Variants in CNOT4 observed in about 807,000 individuals in gnomAD.
The protein encoded by CNOT4 is CCR4-associated factor 4.
Under a neutral mutation model 73.8 loss-of-function variants are expected in CNOT4, and 8 were observed. The ratio of observed to expected loss-of-function variants is 0.11; its 90% confidence interval spans 0.06 to 0.20. The LOEUF (loss-of-function observed/expected upper bound fraction) is 0.20. CNOT4 is among the 10% of genes least tolerant of loss of function. The pLI, the probability that CNOT4 is intolerant of heterozygous loss-of-function variation, is 1.00. For missense variants in CNOT4, 564 were observed against 883.4 expected (o/e 0.64, Z 4.58); for synonymous variants, 293 against 321.1 (o/e 0.91, Z 0.94).
chr7:135,416,106 T>C (rs1000509943), intron 3 of CNOT4, among the ~76,000 whole-genome samples: 1 of 152,194 alleles, frequency 6.6e-6, no homozygotes, highest in Non-Finnish European at 1.5e-5. Context: ...TCCTAGAATG[T>C]ATCTTTAGAC....
intron 2 of CNOT4, among the ~76,000 whole-genome samples, chr7:135,432,305 A>G (rs1798897806): frequency 6.6e-6 from 1 of 152,180 alleles, no homozygotes; most frequent in African/African-American, 2.4e-5. Context: ...GGAAAAAAAA[A>G]TATATCATGA....
In CNOT4 at chr7:135,415,454, AT is replaced by A. The variant is rs1001732346; in HGVS notation, c.373-193del. Among the ~76,000 whole-genome samples, 8 of 151,960 alleles carry A rather than the reference AT, an allele frequency of 5.3e-5. No individual in the cohort carries two copies. In the East Asian group the frequency reaches 5.8e-4, roughly 11 times the overall value. On this transcript the variant is annotated intron_variant, in intron 3 of 11. Coordinates refer to ENST00000541284, the MANE Select transcript of CNOT4 (RefSeq NM_001190850.2). ...AGGAAATCAAAAGAGTTTAAAAGCT[AT>A]TTTTTTTCTTGACCCACTGAATAGA...
intron 1 of CNOT4, among the ~76,000 whole-genome samples, chr7:135,487,400 A>AT (rs896270524): frequency 2.0e-5 from 3 of 150,144 alleles, no homozygotes; most frequent in Non-Finnish European, 3.0e-5. Context: ...CACCCAGATA[A>AT]TTTTTTTTTG....
chr7:135,410,891 ATAAAT>A (rs1446195070), intron 6 of CNOT4, among the ~76,000 whole-genome samples: 9 of 151,876 alleles, frequency 5.9e-5, no homozygotes, highest in Non-Finnish European at 1.0e-4. Context: ...TATATATCTG[ATAAAT>A]TAAATTAAGG....
chr7:135,451,175 G>A (rs112847753), intron 1 of CNOT4, among the ~76,000 whole-genome samples: 3,046 of 152,228 alleles, frequency 0.02, 109 homozygotes, highest in African/African-American at 0.07. Context: ...AATAGGAAAG[G>A]CTAAGTTACT....
intron 10 of CNOT4, chr7:135,387,362 C>T: frequency 4.1e-6 from 4 of 984,902 alleles, no homozygotes; most frequent in Non-Finnish European, 4.8e-6. Flanking sequence ...GTTTACCTCA[C>T]TGTACCTTGG....
intron 1 of CNOT4, among the ~76,000 whole-genome samples, chr7:135,490,029 CT>C (rs1264369523): frequency 6.6e-6 from 1 of 152,190 alleles, no homozygotes; most frequent in Admixed American, 6.5e-5. Flanking sequence ...CTCCAAGGTT[CT>C]TTATATACAG....
chr7:135,401,328 T>C (rs897114310), intron 7 of CNOT4, among the ~76,000 whole-genome samples: 1 of 152,206 alleles, frequency 6.6e-6, no homozygotes, highest in African/African-American at 2.4e-5. Flanking sequence ...CTTTAATAAA[T>C]ACCAGATTTA....
Position 135,363,610 on chromosome 7 carries a change from C to T in CNOT4, c.1840+244G>A, listed in dbSNP as rs1049138976. On this transcript the variant is annotated intron_variant, in intron 11 of 11. Coordinates refer to ENST00000541284, the MANE Select transcript of CNOT4 (RefSeq NM_001190850.2). This position sits in a 1 kb window ranked among gnomAD's most constrained non-coding sequence, Gnocchi z 4.3. ...TGAGGCCTACAAAATACACATGTTGCCAGATGTTAACACCTACTTAAACCA... is the reference window on the plus strand; with the variant it reads ...TGAGGCCTACAAAATACACATGTTGTCAGATGTTAACACCTACTTAAACCA... Among the ~76,000 whole-genome samples the T allele has an allele frequency of 2.0e-4, 31 of 152,144 alleles. No homozygotes were observed. The highest frequency in any genetic ancestry group is 6.5e-5 in the Admixed American group (1 of 15,274).
rs762395826 is a variant in CNOT4, at chr7:135,414,422, G to C, written c.470C>G (p.Ala157Gly). 1 of 1,477,496 alleles carries C rather than the reference G, an allele frequency of 6.8e-7. No individual in the cohort carries two copies. Among genetic ancestry groups the C allele is most frequent in the South Asian group, 1.2e-5 (1 of 86,138 alleles). The allele number at this position is 1,477,496 out of a possible 1,614,324, so 91.5% of individuals were successfully genotyped here. ...CCGGATATAGGTTACATAAGCACTGGCACTTGGACCCTAAAGTGAAAACAT... is the reference window on the plus strand; with the variant it reads ...CCGGATATAGGTTACATAAGCACTGCCACTTGGACCCTAAAGTGAAAACAT... ...TSYAGSQGPS[A>G]SAYVTYIRSE... Residue 157 changes from alanine to glycine, a missense_variant, in exon 5 of 12, where the codon GCC becomes GGC. Transcript: ENST00000541284.
chr7:135,410,761 T>A lies in CNOT4; in HGVS notation c.688-113A>T, dbSNP rs114517421. 583 of 635,054 alleles carry A rather than the reference T, an allele frequency of 9.2e-4. No individual in the cohort carries two copies. The African/African-American group carries it at 0.011, about 11-fold the overall frequency. 39.3% of individuals were successfully genotyped at this position (635,054 alleles called of 1,614,324 possible). ...TTTTAAATAAAATAAATAATATTTT[T>A]AAAAAATAAAATATTAAATAAATTT... is the stretch of plus-strand genomic sequence containing the variant. On this transcript the variant is annotated intron_variant, in intron 6 of 11. Transcript: ENST00000541284.
intron 7 of CNOT4, among the ~76,000 whole-genome samples, chr7:135,401,469 C>CA (rs1324603639): frequency 2.6e-5 from 4 of 151,934 alleles, no homozygotes; most frequent in Admixed American, 6.6e-5. Flanking sequence ...TAAAAACAAA[C>CA]AAAAAACCTA....
chr7:135,474,635 C>T (rs1401229056), intron 1 of CNOT4, among the ~76,000 whole-genome samples: 1 of 152,094 alleles, frequency 6.6e-6, no homozygotes, highest in East Asian at 1.9e-4. Flanking sequence ...CAGCCAAATG[C>T]TCTGGTTAGG....
intron 2 of CNOT4, among the ~76,000 whole-genome samples, chr7:135,436,263 T>C (rs1799148237): frequency 6.6e-6 from 1 of 152,082 alleles, no homozygotes; most frequent in East Asian, 1.9e-4. Context: ...TTGAAATGAC[T>C]TTCTTTGTAA....
chr7:135,381,469 G>T lies in CNOT4; in HGVS notation c.1627+12449C>A, dbSNP rs895650608. Among the ~76,000 whole-genome samples, 6 of 152,292 alleles carry T rather than the reference G, an allele frequency of 3.9e-5. No homozygotes were observed. The South Asian group carries it at 1.0e-3, about 26-fold the overall frequency. On this transcript the variant is annotated intron_variant, in intron 10 of 11. Transcript: ENST00000541284. Reference sequence around the variant, plus strand: ...ATCTCCTAAGTGTCTCTTGCCTAGAGCTCCTTGCACTGCCCCCCACTGCCT... The same window carrying T: ...ATCTCCTAAGTGTCTCTTGCCTAGATCTCCTTGCACTGCCCCCCACTGCCT...
intron 1 of CNOT4, among the ~76,000 whole-genome samples, chr7:135,453,191 A>G (rs1435982901): frequency 1.3e-5 from 2 of 152,208 alleles, no homozygotes; most frequent in Non-Finnish European, 2.9e-5. Flanking sequence ...ATCAATTTAC[A>G]GTATACCACT....
At chr7:135,504,721 C>T (rs1229004183) in intron 1 of CNOT4, among the ~76,000 whole-genome samples, 1 of 123,218 alleles carries the variant, frequency 8.1e-6, no homozygotes, top group Non-Finnish European at 1.7e-5. Flanking sequence ...CTCCTGATCT[C>T]GTGATCCGCC....
intron 1 of CNOT4, among the ~76,000 whole-genome samples, chr7:135,448,754 A>G (rs953921683): frequency 6.6e-6 from 1 of 152,182 alleles, no homozygotes; most frequent in Non-Finnish European, 1.5e-5. Context: ...CAATATCGAT[A>G]AAGAGACATT....
At position 135,385,001 on chromosome 7, in the gene CNOT4, C is replaced by T. The variant is rs984063438; in HGVS notation, c.1627+8917G>A. 2.6e-5 allele frequency among the ~76,000 whole-genome samples: 4 copies of T among 152,128 alleles called. No homozygotes were observed. The South Asian group carries it at 8.3e-4, about 32-fold the overall frequency. On this transcript the variant is annotated intron_variant, in intron 10 of 11. Coordinates refer to ENST00000541284, the MANE Select transcript of CNOT4 (RefSeq NM_001190850.2). The stretch of plus-strand genomic sequence containing the variant: ...TCTGAAGGCCTTTTCTCAGCTCTTA[C>T]GCTTTCCAATTTCTAATTCATAGTT...
Sources: gnomAD v4.1 joint callset for allele counts (sites outside exome capture counted in the v4.1 genomes callset) on GRCh38, gnomAD v4.1.1 for gene constraint, Gnocchi (gnomAD v3.1) non-coding constraint, MANE v1.5 for transcripts, NCBI Gene and HGNC (gene_info 2026-07-23, HGNC 2026-07-21) for gene names.